The following PGGT1B variants were observed in gnomAD, a reference collection of about 807,000 sequenced individuals.
PGGT1B encodes the protein geranylgeranyl transferase type-1 subunit beta.
A neutral mutation model predicts 46.1 loss-of-function variants in PGGT1B; 30 were observed. That is an observed-to-expected ratio of 0.65 (90% CI 0.49 to 0.88). The LOEUF is 0.88. Ranked by LOEUF, PGGT1B falls within the 40% of genes least tolerant of loss-of-function variation. PGGT1B has a pLI of 0.00. For synonymous variants in PGGT1B, 170 were observed against 160.0 expected (o/e 1.06, Z -0.47); for missense variants, 376 against 455.9 (o/e 0.82, Z 1.60).
intron 6 of PGGT1B, among the ~76,000 whole-genome samples, chr5:115,230,615 T>C (rs1756947427): frequency 6.6e-6 from 1 of 152,156 alleles, no homozygotes; most frequent in Admixed American, 6.5e-5. Context: ...AACTTGTGCA[T>C]TCATATTTAA....
intron 3 of PGGT1B, 45 bp downstream of exon 3, chr5:115,241,494 A>G (rs761161526): frequency 5.1e-6 from 6 of 1,171,834 alleles, no homozygotes; most frequent in Admixed American, 2.6e-5. Flanking sequence ...TTATTAAAAT[A>G]TCCCTACATC....
intron 6 of PGGT1B, among the ~76,000 whole-genome samples, chr5:115,225,064 T>A (rs1756724513): frequency 6.6e-6 from 1 of 152,084 alleles, no homozygotes; most frequent in Non-Finnish European, 1.5e-5. Flanking sequence ...AAAAGTACAA[T>A]ACTAGAATTG....
At chr5:115,238,440 A>G (rs1757254810) in intron 3 of PGGT1B, among the ~76,000 whole-genome samples, 1 of 151,632 alleles carries the variant, frequency 6.6e-6, no homozygotes, top group Non-Finnish European at 1.5e-5. Flanking sequence ...AGTAGCTGGG[A>G]CTACAACAGG....
intron 3 of PGGT1B, among the ~76,000 whole-genome samples, chr5:115,239,003 A>G (rs977649149): frequency 6.6e-6 from 1 of 151,942 alleles, no homozygotes; most frequent in Non-Finnish European, 1.5e-5. Flanking sequence ...TACCCTTTTT[A>G]TAATAATCTG....
chr5:115,252,789 G>A (rs1410816848), intron 2 of PGGT1B: 1 of 163,882 alleles, frequency 6.1e-6, no homozygotes, highest in African/African-American at 2.4e-5. Flanking sequence ...GAAAAGACAA[G>A]AATTGTTGGG....
rs528993870 is a variant in PGGT1B at position 115,246,499 on chromosome 5, C to T, written c.260-4893G>A. Reference sequence around the variant, plus strand: ...CATGATAATTAAGAAAGTATACACACACAATTCATTGTAAATTTATCGCTG... The same window carrying T: ...CATGATAATTAAGAAAGTATACACATACAATTCATTGTAAATTTATCGCTG... On this transcript the variant is annotated intron_variant, in intron 2 of 8. Coordinates refer to ENST00000419445, the MANE Select transcript of PGGT1B (RefSeq NM_005023.4). Among the ~76,000 whole-genome samples, 41 of 152,260 alleles carry T rather than the reference C, an allele frequency of 2.7e-4. No individual in the cohort carries two copies. In the Middle Eastern group the frequency reaches 0.01, roughly 38 times the overall value.
intron 3 of PGGT1B, among the ~76,000 whole-genome samples, chr5:115,238,968 C>T (rs569895977): frequency 6.6e-6 from 1 of 152,136 alleles, no homozygotes; most frequent in Non-Finnish European, 1.5e-5. Context: ...TGGTTCCTCA[C>T]AGAATGAATT....
At position 115,237,984 on chromosome 5, in the gene PGGT1B, T is replaced by G. The variant is rs1757234538; in HGVS notation, c.353A>C (p.Asp118Ala). ...SKAPGTAHPY[D>A]SGHIAMTYTG... ...GTAGGTCATTGCAATGTGGCCACTA[T>G]CATAAGGATGAGCTGTTCCAGGAGC... Residue 118 changes from aspartate to alanine, a missense_variant, in exon 4 of 9, where the codon GAT becomes GCT. Asp to Ala is a moderately radical substitution (Grantham distance 126, BLOSUM62 -2). This residue lies in a region of PGGT1B where 222 missense variants were observed against 313.6 expected (regional missense o/e 0.71). Transcript: ENST00000419445. The G allele has an allele frequency of 6.2e-7, 1 of 1,610,448 alleles. No homozygotes were observed. Among genetic ancestry groups the G allele is most frequent in the Non-Finnish European group, 8.5e-7 (1 of 1,178,350 alleles).
Position 115,208,140 on chromosome 5 carries a change from TAATATTC to T in PGGT1B, c.*4255_*4261del, listed in dbSNP as rs1756117476. 6.6e-6 allele frequency: 1 copy of T among 152,112 alleles called. No individual in the cohort carries two copies. Among genetic ancestry groups the T allele is most frequent in the East Asian group, 1.9e-4 (1 of 5,202 alleles). The allele number at this position is 152,112 out of a possible 1,614,324, so 9.4% of individuals were successfully genotyped here. A position where few individuals can be genotyped will look rare whatever the true frequency, so the allele number is the denominator to read the frequency against. ...TAATGTTATCATTAAAACTTTTTAT[TAATATTC>T]ATGAGATTGCTCTATATTTTCTTTT... On this transcript the variant is annotated 3_prime_UTR_variant, in exon 9 of 9. Transcript: ENST00000419445.
At chr5:115,213,688 C>T (rs1296236271) in intron 8 of PGGT1B, among the ~76,000 whole-genome samples, 1 of 152,122 alleles carries the variant, frequency 6.6e-6, no homozygotes, top group Non-Finnish European at 1.5e-5. Context: ...GGAGGCTCAC[C>T]TGAGCCTAGG....
chr5:115,245,766 T>C (rs1238404610), intron 2 of PGGT1B, among the ~76,000 whole-genome samples: 1 of 152,138 alleles, frequency 6.6e-6, no homozygotes, highest in African/African-American at 2.4e-5. Context: ...ATGAAAAAAG[T>C]GTTTGGATCT....
At chr5:115,248,574 C>T (rs1215426891) in intron 2 of PGGT1B, among the ~76,000 whole-genome samples, 2 of 152,194 alleles carry the variant, frequency 1.3e-5, no homozygotes, top group East Asian at 3.8e-4. Context: ...CCAGTGGTCT[C>T]ACCATACACT....
intron 7 of PGGT1B, among the ~76,000 whole-genome samples, chr5:115,220,407 A>G (rs551708633): frequency 6.6e-6 from 1 of 151,912 alleles, no homozygotes; most frequent in Non-Finnish European, 1.5e-5. Flanking sequence ...AGACAAATTC[A>G]TAGTGACAGA....
chr5:115,214,228 T>C (rs1756337757), intron 8 of PGGT1B, among the ~76,000 whole-genome samples: 1 of 152,150 alleles, frequency 6.6e-6, no homozygotes, highest in African/African-American at 2.4e-5. Flanking sequence ...ATAAAACTTA[T>C]TTGTTTCTCA....
chr5:115,222,871 GA>G (rs1400936417), intron 6 of PGGT1B, among the ~76,000 whole-genome samples: 4 of 152,134 alleles, frequency 2.6e-5, no homozygotes, highest in Non-Finnish European at 5.9e-5. Flanking sequence ...CGCAAGGACA[GA>G]AAACCAAACA....
rs891261742 is a variant in PGGT1B, at chr5:115,217,550, C to A, written c.844-577G>T. Among the ~76,000 whole-genome samples the A allele has an allele frequency of 8.6e-5, 13 of 151,702 alleles. No individual in the cohort carries two copies. In the East Asian group the frequency reaches 2.5e-3, roughly 29 times the overall value. ...ATGTACTTGGCTTTTCTCTCAAGAC[C>A]CCATAAAAGTAAAATACAAATAAAT... On this transcript the variant is annotated intron_variant, in intron 7 of 8. Coordinates refer to ENST00000419445, the MANE Select transcript of PGGT1B (RefSeq NM_005023.4).
rs750082184 is a variant in PGGT1B at position 115,206,755 on chromosome 5, G to A, written c.*5647C>T. 2.7e-5 allele frequency: 4 copies of A among 147,924 alleles called. No homozygotes were observed. The highest frequency in any genetic ancestry group is 6.6e-5 in the Admixed American group (1 of 15,052). 9.2% of individuals were successfully genotyped at this position (147,924 alleles called of 1,614,324 possible). On this transcript the variant is annotated 3_prime_UTR_variant, in exon 9 of 9. Transcript: ENST00000419445. ...CATGTTTCTTTATGCTAAATCTATA[G>A]ATAGAGAGTATCTGGGCCAAAAAGT...
At chr5:115,217,075 A>T (rs1756442853) in intron 7 of PGGT1B, 102 bp from the exon 8 acceptor site, 1 of 654,334 alleles carries the variant, frequency 1.5e-6, no homozygotes, top group African/African-American at 1.8e-5. Context: ...TTCTTTAGCT[A>T]AGGTGCTCAG....
intron 1 of PGGT1B, among the ~76,000 whole-genome samples, chr5:115,256,350 T>C (rs1384135480): frequency 6.6e-6 from 1 of 152,214 alleles, no homozygotes; most frequent in Non-Finnish European, 1.5e-5. Context: ...CTGAATGATC[T>C]GTTTGTCATG....
Sources: allele counts gnomAD v4.1 joint callset (sites outside exome capture counted in the v4.1 genomes callset), GRCh38; gene constraint gnomAD v4.1.1; regional missense constraint gnomAD v4.1.1; transcripts MANE v1.5; gene names NCBI Gene and HGNC (gene_info 2026-07-23, HGNC 2026-07-21).